TF: variants seen among roughly 807,000 people sequenced by gnomAD.
TF encodes transferrin.
In TF, 55 loss-of-function variants were observed where a neutral mutation model predicts 82.4. The observed-to-expected ratio is 0.67, with a 90% CI of 0.54 to 0.84. The LOEUF (loss-of-function observed/expected upper bound fraction) is 0.84, where lower values mean the gene tolerates loss of function less well. TF is among the 40% of genes least tolerant of loss of function. The pLI, the probability that TF is intolerant of heterozygous loss-of-function variation, is 0.00. For synonymous variants in TF, 332 were observed against 332.6 expected (o/e 1.00, Z 0.02); for missense variants, 737 against 868.4 (o/e 0.85, Z 1.90).
At chr3:133,711,607 C>A in the TF span, among the ~76,000 whole-genome samples, 173 of 152,230 alleles carry the variant, frequency 1.1e-3, no homozygotes, top group Admixed American at 2.8e-3. Flanking sequence ...CCCCTTTGTG[C>A]TCCTCTAGCC....
chr3:133,742,194 C>G (rs977544068), upstream of TF, among the ~76,000 whole-genome samples: 1 of 152,142 alleles, frequency 6.6e-6, no homozygotes, highest in Non-Finnish European at 1.5e-5. Flanking sequence ...ATTGCCCAGG[C>G]TGGTCTTGAA....
intron 12 of TF, among the ~76,000 whole-genome samples, chr3:133,767,614 C>T (rs370293307): frequency 1.3e-5 from 2 of 152,328 alleles, no homozygotes; most frequent in South Asian, 4.1e-4. Context: ...AATTCCCCAT[C>T]CCTTTCCTGA....
the TF span, among the ~76,000 whole-genome samples, chr3:133,673,170 C>T: frequency 6.6e-6 from 1 of 152,126 alleles, no homozygotes; most frequent in Admixed American, 6.5e-5. Flanking sequence ...TCCCTAAGTG[C>T]ACGAAAAGAC....
intron 1 of TF, 152 bp from the exon 2 acceptor site, chr3:133,748,260 G>A: frequency 1.0e-6 from 1 of 968,862 alleles, no homozygotes; most frequent in Non-Finnish European, 1.6e-6. Flanking sequence ...GACTCAGAAT[G>A]CAGTAGAACT....
At chr3:133,713,521 AG>A in the TF span, among the ~76,000 whole-genome samples, 1 of 152,216 alleles carries the variant, frequency 6.6e-6, no homozygotes, top group Admixed American at 6.5e-5. Flanking sequence ...GGGAACTTTT[AG>A]CACCTCCACA....
intron 1 of TF, chr3:133,748,180 A>T: frequency 1.7e-6 from 1 of 582,332 alleles, no homozygotes; most frequent in Non-Finnish European, 3.1e-6. Flanking sequence ...CCATGCCTGC[A>T]CCCCTCTGGC....
the TF span, among the ~76,000 whole-genome samples, chr3:133,720,871 A>C: frequency 1.3e-5 from 2 of 151,844 alleles, no homozygotes; most frequent in African/African-American, 4.8e-5. Flanking sequence ...TATGTTATCA[A>C]ATTTGTTGGC....
the TF span, among the ~76,000 whole-genome samples, chr3:133,725,136 G>T: frequency 2.6e-5 from 4 of 151,994 alleles, no homozygotes; most frequent in Non-Finnish European, 4.4e-5. Flanking sequence ...CTTGGCGATG[G>T]GGGCTCTTTT....
chr3:133,734,935 T>C, the TF span, among the ~76,000 whole-genome samples: 88,161 of 152,034 alleles, frequency 0.58, 26,010 homozygotes, highest in East Asian at 0.76. Context: ...AAAATGCTGC[T>C]AATTGTTTAG....
At chr3:133,746,634 C>T in intron 1 of TF, 151 bp downstream of exon 1, 1 of 849,522 alleles carries the variant, frequency 1.2e-6, no homozygotes. Context: ...ACGCCCCACC[C>T]CTGGCCTTTG....
At chr3:133,746,768 C>G (rs548730335) in intron 1 of TF, among the ~76,000 whole-genome samples, 22 of 152,352 alleles carry the variant, frequency 1.4e-4, no homozygotes, top group African/African-American at 5.3e-4. Context: ...TATCAAAACC[C>G]TTTGCTGCTG....
chr3:133,756,559 T>G (rs1342671382), intron 6 of TF, among the ~76,000 whole-genome samples: 1 of 152,184 alleles, frequency 6.6e-6, no homozygotes, highest in African/African-American at 2.4e-5. Flanking sequence ...CCTCTGCCTC[T>G]GGGGTAGTGT....
chr3:133,758,003 A>C lies in TF; in HGVS notation c.1048+57A>C, dbSNP rs986250422. ...AGCACTTGGGAAACCTGGTGAGCAC[A>C]GGGGCCAGAGATTGAGTCTTTTCAG... On this transcript the variant is annotated intron_variant, in intron 8 of 16. Transcript: ENST00000402696. 5.7e-6 allele frequency: 9 copies of C among 1,575,342 alleles called. No homozygotes were observed. The African/African-American group carries it at 1.2e-4, about 21-fold the overall frequency.
intron 15 of TF, among the ~76,000 whole-genome samples, chr3:133,776,353 A>G: frequency 6.6e-6 from 1 of 152,216 alleles, no homozygotes; most frequent in Non-Finnish European, 1.5e-5. Context: ...CTGCCTGAGT[A>G]TTCTAATCCT....
At chr3:133,767,139 G>C (rs1934147828) in intron 12 of TF, among the ~76,000 whole-genome samples, 1 of 152,212 alleles carries the variant, frequency 6.6e-6, no homozygotes, top group African/African-American at 2.4e-5. Flanking sequence ...TCATGGTGTT[G>C]GCAATCTCAC....
intron 1 of TF, among the ~76,000 whole-genome samples, chr3:133,747,760 A>G (rs1933544251): frequency 6.6e-6 from 1 of 152,188 alleles, no homozygotes; most frequent in Non-Finnish European, 1.5e-5. Flanking sequence ...AGAGCAACAG[A>G]CAAGAGTTAC....
rs1934797785 is a variant in TF, at chr3:133,790,209, C to A, written c.*11589C>A. On this transcript the variant is annotated 3_prime_UTR_variant, in exon 17 of 17. Coordinates refer to ENST00000402696, the MANE Select transcript of TF (RefSeq NM_001063.4). ...TGCTCATTTAAGATCTGGGCCATTT[C>A]CAATTAGAAAGGTTGTGATATGGGG... is the stretch of plus-strand genomic sequence containing the variant. 6.6e-6 allele frequency: 1 copy of A among 152,066 alleles called. No individual in the cohort carries two copies. The highest frequency in any genetic ancestry group is 2.4e-5 in the African/African-American group (1 of 41,396). The allele number at this position is 152,066 out of a possible 1,614,324, so 9.4% of individuals were successfully genotyped here.
chr3:133,762,284 T>C (rs1405023), intron 9 of TF: 84,295 of 180,864 alleles, frequency 0.47, 20,338 homozygotes, highest in African/African-American at 0.59. Context: ...CAAAAGGAAC[T>C]AACAGAACTA....
rs527683668 is a variant in TF, at chr3:133,779,105, A to T, written c.*485A>T. On this transcript the variant is annotated 3_prime_UTR_variant, in exon 17 of 17. Coordinates refer to ENST00000402696, the MANE Select transcript of TF (RefSeq NM_001063.4). ...GTTACAGAGATCAAGTACTCAAGTG[A>T]GTACAGAAAGACTACAGAAGACTTA... 22 of 163,662 alleles carry T rather than the reference A, an allele frequency of 1.3e-4. 1 individual carries two copies. The South Asian group carries it at 3.4e-3, about 26-fold the overall frequency. 10.1% of individuals were successfully genotyped at this position (163,662 alleles called of 1,614,324 possible).
Sources: gnomAD v4.1 joint callset for allele counts (sites outside exome capture counted in the v4.1 genomes callset) on GRCh38, gnomAD v4.1.1 for gene constraint, MANE v1.5 for transcripts, NCBI Gene and HGNC (gene_info 2026-07-23, HGNC 2026-07-21) for gene names.